The following DYNC1I1 variants were observed in gnomAD, a reference collection of about 807,000 sequenced individuals.
The protein encoded by DYNC1I1 is cytoplasmic dynein 1 intermediate chain 1.
DYNC1I1 carries 43 observed loss-of-function variants against 86.6 expected under a neutral mutation model. That is an observed-to-expected ratio of 0.50 (90% CI 0.39 to 0.64). DYNC1I1 has a LOEUF of 0.64. DYNC1I1 is among the 30% of genes least tolerant of loss of function. DYNC1I1 has a pLI of 0.00. For synonymous variants in DYNC1I1, 262 were observed against 283.7 expected (o/e 0.92, Z 0.77); for missense variants, 604 against 788.8 (o/e 0.77, Z 2.81).
intron 6 of DYNC1I1, among the ~76,000 whole-genome samples, chr7:95,919,786 T>A (rs1214089472): frequency 6.6e-6 from 1 of 152,200 alleles, no homozygotes. Flanking sequence ...TCTTAAAAAG[T>A]AATCTTTAGG....
At chr7:95,804,922 C>G in intron 2 of DYNC1I1, 85 bp downstream of exon 2, 4 of 1,464,618 alleles carry the variant, frequency 2.7e-6, no homozygotes, top group Non-Finnish European at 3.6e-6. Context: ...AAATAGGACT[C>G]CCTAAAAGAA....
intron 5 of DYNC1I1, among the ~76,000 whole-genome samples, chr7:95,867,024 T>G (rs1456797288): frequency 2.6e-5 from 4 of 152,216 alleles, no homozygotes; most frequent in Non-Finnish European, 4.4e-5. Context: ...TCCACCTACG[T>G]TTTGAAAACA....
chr7:96,090,660 T>TA (rs888330095), intron 16 of DYNC1I1, among the ~76,000 whole-genome samples: 3 of 152,020 alleles, frequency 2.0e-5, no homozygotes, highest in Admixed American at 6.6e-5. Flanking sequence ...GAAAAGAAAT[T>TA]AAAAAACAAT....
intron 14 of DYNC1I1, among the ~76,000 whole-genome samples, chr7:96,050,811 G>C (rs551561279): frequency 6.6e-6 from 1 of 151,908 alleles, no homozygotes; most frequent in African/African-American, 2.4e-5. Context: ...TAGTCCCTTG[G>C]AACATCCTTT....
At chr7:95,870,055 T>C in intron 6 of DYNC1I1, 57 bp downstream of exon 6, 8 of 1,445,680 alleles carry the variant, frequency 5.5e-6, no homozygotes, top group Non-Finnish European at 7.6e-6. Flanking sequence ...CGCTGGGAAG[T>C]AACATCTTTC....
intron 10 of DYNC1I1, among the ~76,000 whole-genome samples, chr7:96,027,964 C>A (rs879846506): frequency 7.2e-5 from 11 of 152,178 alleles, no homozygotes; most frequent in Admixed American, 1.3e-4. Context: ...AGATTTCAAG[C>A]AGTAACCATT....
At chr7:96,068,718 G>A (rs1031853459) in intron 14 of DYNC1I1, among the ~76,000 whole-genome samples, 1 of 152,138 alleles carries the variant, frequency 6.6e-6, no homozygotes, top group African/African-American at 2.4e-5. Context: ...TAAATATGAA[G>A]GGGGAATCAA....
rs1794256395 is a variant in DYNC1I1 at position 96,010,749 on chromosome 7, TTTG to T, written c.969+14684_969+14686del. 2.0e-5 allele frequency among the ~76,000 whole-genome samples: 3 copies of T among 152,330 alleles called. No homozygotes were observed. The South Asian group carries it at 6.2e-4, about 32-fold the overall frequency. On this transcript the variant is annotated intron_variant, in intron 10 of 16. Transcript: ENST00000447467. ...AAAGCCTTACCTTTGCATACATATT[TTTG>T]TTGTTGTACAAATAAAATGAGTAGC... is the stretch of plus-strand genomic sequence containing the variant.
intron 1 of DYNC1I1, among the ~76,000 whole-genome samples, chr7:95,790,852 T>C (rs1257554130): frequency 6.6e-6 from 1 of 152,184 alleles, no homozygotes; most frequent in Non-Finnish European, 1.5e-5. Flanking sequence ...TTTGCTTTGG[T>C]TGTGAGGATA....
At chr7:95,798,553 G>A (rs1794501992) in intron 1 of DYNC1I1, among the ~76,000 whole-genome samples, 1 of 152,046 alleles carries the variant, frequency 6.6e-6, no homozygotes, top group Admixed American at 6.5e-5. Flanking sequence ...TTTTCAGGCA[G>A]GAAAAGAAAA....
chr7:95,952,503 C>G (rs1027158266), intron 6 of DYNC1I1, among the ~76,000 whole-genome samples: 1 of 152,108 alleles, frequency 6.6e-6, no homozygotes, highest in African/African-American at 2.4e-5. Context: ...CTCCCCATCC[C>G]TTTTATCCCC....
chr7:95,842,324 G>T (rs1789307171), intron 5 of DYNC1I1, among the ~76,000 whole-genome samples: 1 of 151,978 alleles, frequency 6.6e-6, no homozygotes, highest in South Asian at 2.1e-4. Flanking sequence ...GAAGGGGAGG[G>T]GTCTAGTTAG....
chr7:95,789,587 A>G (rs998099503), intron 1 of DYNC1I1, among the ~76,000 whole-genome samples: 2 of 152,146 alleles, frequency 1.3e-5, no homozygotes, highest in Non-Finnish European at 2.9e-5. Flanking sequence ...TGCTCTGTGA[A>G]TACATTACAG....
rs907283634 is a variant in DYNC1I1, at chr7:95,844,397, A to G, written c.374+16281A>G. 5.3e-5 allele frequency among the ~76,000 whole-genome samples: 8 copies of G among 152,346 alleles called. 2 individuals carry two copies. In the East Asian group the frequency reaches 1.5e-3, roughly 29 times the overall value. ...ATTTTATTTTCAATGTTTGAGAGAC[A>G]CTGTTAATGTACTTGCCTAGTGGAT... On this transcript the variant is annotated intron_variant, in intron 5 of 16. Transcript: ENST00000447467.
chr7:95,904,155 A>C (rs1244620649), intron 6 of DYNC1I1, among the ~76,000 whole-genome samples: 1 of 152,146 alleles, frequency 6.6e-6, no homozygotes, highest in African/African-American at 2.4e-5. Context: ...GACTGCCCTA[A>C]ATCTGGCAAC....
intron 6 of DYNC1I1, among the ~76,000 whole-genome samples, chr7:95,911,550 A>G (rs1009593233): frequency 6.6e-6 from 1 of 152,210 alleles, no homozygotes; most frequent in Admixed American, 6.5e-5. Flanking sequence ...TGTGCCCATG[A>G]AGGACACAGA....
At chr7:95,994,094 A>G (rs939376916) in intron 9 of DYNC1I1, among the ~76,000 whole-genome samples, 2 of 152,150 alleles carry the variant, frequency 1.3e-5, no homozygotes, top group South Asian at 2.1e-4. Context: ...TTGTTATTTT[A>G]CTGGTTATGT....
At chr7:95,926,695 G>A (rs1476684626) in intron 6 of DYNC1I1, among the ~76,000 whole-genome samples, 2 of 152,150 alleles carry the variant, frequency 1.3e-5, no homozygotes, top group Non-Finnish European at 1.5e-5. Context: ...TAAACTTAAA[G>A]TAAGGATAAG....
chr7:95,793,467 C>T (rs1343958826), intron 1 of DYNC1I1, among the ~76,000 whole-genome samples: 1 of 151,834 alleles, frequency 6.6e-6, no homozygotes, highest in Non-Finnish European at 1.5e-5. Flanking sequence ...ACTCCCAGGG[C>T]AGAAGGGAAT....
Sources: gnomAD v4.1 joint callset for allele counts (sites outside exome capture counted in the v4.1 genomes callset) on GRCh38, gnomAD v4.1.1 for gene constraint, MANE v1.5 for transcripts, NCBI Gene and HGNC (gene_info 2026-07-23, HGNC 2026-07-21) for gene names.